HERC4: variants seen among roughly 807,000 people sequenced by gnomAD.
The protein encoded by HERC4 is probable E3 ubiquitin-protein ligase HERC4.
In HERC4, 28 loss-of-function variants were observed where a neutral mutation model predicts 124.3. The ratio of observed to expected loss-of-function variants is 0.23; its 90% CI spans 0.17 to 0.31. The LOEUF (loss-of-function observed/expected upper bound fraction) is 0.31. HERC4 is among the 10% of genes least tolerant of loss of function. The pLI, the probability that HERC4 is intolerant of heterozygous loss-of-function variation, is 1.00. For missense variants in HERC4, 713 were observed against 1,229.3 expected, an observed-to-expected ratio of 0.58 and a Z score of 6.28; for synonymous variants, 407 against 421.5, an observed-to-expected ratio of 0.97 and a Z score of 0.42.
chr10:67,928,176 C>A (rs748467507), intron 23 of HERC4, among the ~76,000 whole-genome samples: 1 of 151,832 alleles, frequency 6.6e-6, no homozygotes, highest in East Asian at 1.9e-4. Flanking sequence ...AAGGCTGAGG[C>A]AGAGTGAGAG....
intron 16 of HERC4, among the ~76,000 whole-genome samples, chr10:67,964,591 A>G (rs1283354758): frequency 2.0e-5 from 3 of 152,022 alleles, no homozygotes; most frequent in Non-Finnish European, 4.4e-5. Context: ...CGTTCCCTAC[A>G]CAGCCAACAA....
intron 5 of HERC4, 60 bp downstream of exon 5, chr10:68,038,033 C>A: frequency 1.1e-6 from 1 of 931,714 alleles, no homozygotes. Flanking sequence ...ACTATATGCA[C>A]AATCAAAAAA....
intron 19 of HERC4, among the ~76,000 whole-genome samples, chr10:67,941,884 G>A (rs1347290109): frequency 6.6e-6 from 1 of 151,896 alleles, no homozygotes; most frequent in Non-Finnish European, 1.5e-5. Flanking sequence ...TCAAACTCCT[G>A]ACCTCAGGTG....
At chr10:67,936,294 T>C (rs1006400395) in intron 21 of HERC4, 59 bp from the exon 22 acceptor site, 4 of 961,062 alleles carry the variant, frequency 4.2e-6, no homozygotes, top group African/African-American at 3.4e-5. Context: ...TAATAATCTA[T>C]TATTATATTC....
At chr10:68,065,536 G>A (rs1379783905) in intron 3 of HERC4, among the ~76,000 whole-genome samples, 1 of 152,004 alleles carries the variant, frequency 6.6e-6, no homozygotes, top group East Asian at 1.9e-4. Flanking sequence ...TAAAGAATAA[G>A]CCACCGAAAT....
chr10:68,031,444 C>T (rs1214380784), intron 7 of HERC4, among the ~76,000 whole-genome samples: 1 of 152,072 alleles, frequency 6.6e-6, no homozygotes, highest in East Asian at 1.9e-4. Flanking sequence ...CATTTGTTAT[C>T]TGAATGCCAA....
At chr10:67,997,526 C>T (rs1026907350) in intron 9 of HERC4, among the ~76,000 whole-genome samples, 2 of 152,116 alleles carry the variant, frequency 1.3e-5, no homozygotes, top group Non-Finnish European at 2.9e-5. Context: ...TCCTCTCATA[C>T]TTATTTGATT....
chr10:67,971,185 T>C (rs1225517786), intron 15 of HERC4, among the ~76,000 whole-genome samples: 1 of 152,058 alleles, frequency 6.6e-6, no homozygotes, highest in African/African-American at 2.4e-5. Context: ...AGGGCCAAAA[T>C]GGTTTCACTG....
intron 5 of HERC4, 119 bp from the exon 6 acceptor site, chr10:68,034,305 T>A (rs1336221658): frequency 4.3e-6 from 3 of 701,880 alleles, no homozygotes; most frequent in Non-Finnish European, 7.1e-6. Flanking sequence ...ATTCTGCCTA[T>A]CATCAAAAGA....
chr10:67,978,525 C>T (rs1217295240), intron 15 of HERC4, among the ~76,000 whole-genome samples: 1 of 152,236 alleles, frequency 6.6e-6, no homozygotes, highest in Non-Finnish European at 1.5e-5. Flanking sequence ...TCTGGAGTCA[C>T]CAAGGGCCTG....
chr10:68,008,557 G>A (rs947651496), intron 9 of HERC4, among the ~76,000 whole-genome samples: 1 of 152,142 alleles, frequency 6.6e-6, no homozygotes, highest in African/African-American at 2.4e-5. Flanking sequence ...TCATATGGAT[G>A]TGGAAAACGT....
intron 9 of HERC4, among the ~76,000 whole-genome samples, chr10:68,000,845 T>C (rs2037188303): frequency 6.6e-6 from 1 of 152,150 alleles, no homozygotes; most frequent in Non-Finnish European, 1.5e-5. Context: ...CAGATTCTTC[T>C]TACAGCCTTC....
intron 9 of HERC4, among the ~76,000 whole-genome samples, chr10:68,009,397 G>A (rs371581986): frequency 1.3e-5 from 2 of 152,098 alleles, no homozygotes; most frequent in East Asian, 3.9e-4. Context: ...TTACAGGCAT[G>A]AGCCACTGTG....
intron 19 of HERC4, among the ~76,000 whole-genome samples, chr10:67,949,378 T>C (rs1203568699): frequency 1.3e-5 from 2 of 152,136 alleles, no homozygotes; most frequent in African/African-American, 2.4e-5. Context: ...TTAACACCAA[T>C]TCTCAAACTC....
chr10:67,974,123 CACACAG>C (rs1355521139), intron 15 of HERC4, among the ~76,000 whole-genome samples: 40 of 138,740 alleles, frequency 2.9e-4, no homozygotes, highest in East Asian at 6.9e-4. Context: ...CACACACATA[CACACAG>C]GGTCAGGAAA....
At chr10:67,962,146 C>T (rs1187503486) in intron 16 of HERC4, among the ~76,000 whole-genome samples, 1 of 151,686 alleles carries the variant, frequency 6.6e-6, no homozygotes, top group East Asian at 1.9e-4. Context: ...CTCACATATG[C>T]ACAGCCTTCA....
chr10:68,039,325 A>C, intron 4 of HERC4: 1 of 1,467,620 alleles, frequency 6.8e-7, no homozygotes, highest in Admixed American at 2.6e-5. Flanking sequence ...CAAAAAAAAA[A>C]AAAAAAAAAG....
chr10:67,967,492 C>A (rs1055540300), intron 15 of HERC4, among the ~76,000 whole-genome samples: 3 of 152,082 alleles, frequency 2.0e-5, no homozygotes, highest in African/African-American at 7.2e-5. Flanking sequence ...TCTGTGCTGG[C>A]ATCTGATTAG....
rs749880389 is a variant in HERC4, at chr10:67,954,989, T to C, written c.2167A>G (p.Asn723Asp). Residue 723 changes from asparagine to aspartate, a missense_variant, in exon 18 of 25, where the codon AAC (asparagine) becomes GAC (aspartate). Coordinates refer to ENST00000373700, the MANE Select transcript of HERC4 (RefSeq NM_015601.4). ...TTGAGTGGCTTCTTGTAATCTATGT[T>C]CTTTGTTTTCCTAAGGACTTCCATT... ...DAMEVLRKTK[N>D]IDYKKPLKVI... 1 of 1,603,926 alleles carries C rather than the reference T, an allele frequency of 6.2e-7. No homozygotes were observed. The highest frequency in any genetic ancestry group is 1.1e-5 in the South Asian group (1 of 89,504).
Sources: gnomAD v4.1 joint callset for allele counts (sites outside exome capture counted in the v4.1 genomes callset) on GRCh38, gnomAD v4.1.1 for gene constraint, MANE v1.5 for transcripts, NCBI Gene and HGNC (gene_info 2026-07-23, HGNC 2026-07-21) for gene names.